The following GLCE variants were observed in gnomAD, a reference collection of about 807,000 sequenced individuals.
GLCE encodes the protein D-glucuronyl C5-epimerase.
GLCE carries 19 observed loss-of-function variants against 47.9 expected under a neutral mutation model. That is an observed-to-expected ratio of 0.40 (90% CI 0.28 to 0.58). The LOEUF is 0.58. Among genes scored for constraint, GLCE ranks in the 20% least tolerant of loss-of-function variants. The pLI, the probability that GLCE is intolerant of heterozygous loss-of-function variation, is 0.48. For missense variants in GLCE, 556 were observed against 743.3 expected, an observed-to-expected ratio of 0.75 and a Z score of 2.93; for synonymous variants, 245 against 263.4, an observed-to-expected ratio of 0.93 and a Z score of 0.68.
At position 69,268,811 on chromosome 15, in the gene GLCE, C is replaced by T. The variant is rs1338747328; in HGVS notation, c.1421C>T (p.Thr474Ile). 1 of 1,613,830 alleles carries T rather than the reference C, an allele frequency of 6.2e-7. No homozygotes were observed. Among genetic ancestry groups the T allele is most frequent in the African/African-American group, 1.3e-5 (1 of 74,930 alleles). ...HIFLNSALRA[T>I]APYKFLSEQH... ...TTCCTCAATTCAGCTTTAAGGGCAACAGCCCCTTATAAGTTTCTATCTGAG... is the reference window on the plus strand; with the variant it reads ...TTCCTCAATTCAGCTTTAAGGGCAATAGCCCCTTATAAGTTTCTATCTGAG... Residue 474 changes from threonine to isoleucine, a missense_variant, in exon 5 of 5, where the codon ACA (threonine) becomes ATA (isoleucine). Transcript: ENST00000261858.
chr15:69,226,301 G>A (rs1015168788), intron 2 of GLCE, among the ~76,000 whole-genome samples: 1 of 152,134 alleles, frequency 6.6e-6, no homozygotes, highest in Non-Finnish European at 1.5e-5. Flanking sequence ...GCTGTTGTTG[G>A]AAGTGTTAGG....
rs143734869 is a variant in GLCE at position 69,249,533 on chromosome 15, G to A, written c.-13-6261G>A. Among the ~76,000 whole-genome samples the A allele has an allele frequency of 1.4e-3, 216 of 152,140 alleles. 1 individual carries two copies. The highest frequency in any genetic ancestry group is 1.5e-3 in the Non-Finnish European group (102 of 68,016). On this transcript the variant is annotated intron_variant, in intron 2 of 4. Transcript: ENST00000261858. ...TCAATAAATTATTTTTTAATTAAGAGTAAGCATTCTTCTCAATCAAGGAAT... is the reference window on the plus strand; with the variant it reads ...TCAATAAATTATTTTTTAATTAAGAATAAGCATTCTTCTCAATCAAGGAAT...
intron 4 of GLCE, among the ~76,000 whole-genome samples, chr15:69,265,924 C>T (rs2053079271): frequency 6.6e-6 from 1 of 152,160 alleles, no homozygotes; most frequent in South Asian, 2.1e-4. Context: ...ATAATTTAAT[C>T]TTGAGTGGTT....
intron 2 of GLCE, among the ~76,000 whole-genome samples, chr15:69,225,663 A>T (rs964464779): frequency 2.0e-5 from 3 of 152,204 alleles, no homozygotes; most frequent in Non-Finnish European, 4.4e-5. Flanking sequence ...CATACTAAGG[A>T]TTCTTTTACT....
intron 1 of GLCE, among the ~76,000 whole-genome samples, chr15:69,204,991 A>G (rs1279605366): frequency 2.6e-5 from 4 of 152,170 alleles, no homozygotes; most frequent in African/African-American, 9.6e-5. Flanking sequence ...AATTCTTTTA[A>G]GTATCATAAA....
intron 2 of GLCE, among the ~76,000 whole-genome samples, chr15:69,232,954 G>A (rs2052545343): frequency 6.6e-6 from 1 of 152,166 alleles, no homozygotes; most frequent in African/African-American, 2.4e-5. Context: ...GCTTTTTCGG[G>A]AGGAGCAGCA....
intron 1 of GLCE, among the ~76,000 whole-genome samples, chr15:69,178,241 C>T (rs1005058161): frequency 5.3e-5 from 8 of 151,986 alleles, no homozygotes; most frequent in Non-Finnish European, 1.0e-4. Context: ...AAAAATCCAA[C>T]AGAAAAATGG....
At chr15:69,195,687 C>A (rs1361428531) in intron 1 of GLCE, among the ~76,000 whole-genome samples, 3 of 152,044 alleles carry the variant, frequency 2.0e-5, no homozygotes, top group African/African-American at 7.2e-5. Context: ...TTTAATATAG[C>A]CCTGGTGTGT....
chr15:69,221,242 A>T (rs1447565585), intron 2 of GLCE, among the ~76,000 whole-genome samples: 1 of 152,122 alleles, frequency 6.6e-6, no homozygotes, highest in African/African-American at 2.4e-5. Flanking sequence ...TTGAGATTCC[A>T]TGTGGATTTT....
chr15:69,252,705 G>A (rs2052862401), intron 2 of GLCE, among the ~76,000 whole-genome samples: 1 of 151,922 alleles, frequency 6.6e-6, no homozygotes, highest in Non-Finnish European at 1.5e-5. Context: ...TATATTAGTT[G>A]GTCAAAATGT....
intron 1 of GLCE, among the ~76,000 whole-genome samples, chr15:69,209,487 CT>C (rs368491486): frequency 2.1e-3 from 322 of 152,186 alleles, no homozygotes; most frequent in Non-Finnish European, 3.3e-3. Flanking sequence ...ATTTTCAAAA[CT>C]TTTGCCATAT....
Position 69,268,670 on chromosome 15 carries a change from C to A in GLCE, c.1280C>A (p.Thr427Asn). The A allele has an allele frequency of 6.2e-7, 1 of 1,614,124 alleles. No individual in the cohort carries two copies. Among genetic ancestry groups the A allele is most frequent in the Non-Finnish European group, 8.5e-7 (1 of 1,180,000 alleles). Residue 427 changes from threonine to asparagine, a missense_variant, in exon 5 of 5, where the codon ACC becomes AAC. Thr to Asn is a moderately conservative substitution (Grantham distance 65). Coordinates refer to ENST00000261858, the MANE Select transcript of GLCE (RefSeq NM_015554.3). ...AAAGGTGGCTGGCCAATTATGGTGA[C>A]CCGTAAGTTAGGGGAAGGGTTCAAG... ...DEKGGWPIMVTRKLGEGFKSL... is the reference protein window; with the variant it reads ...DEKGGWPIMVNRKLGEGFKSL...
intron 2 of GLCE, among the ~76,000 whole-genome samples, chr15:69,227,869 G>A (rs149839283): frequency 6.6e-6 from 1 of 152,146 alleles, no homozygotes; most frequent in African/African-American, 2.4e-5. Context: ...TGGAAACTGG[G>A]TAAGGTAAAC....
intron 1 of GLCE, among the ~76,000 whole-genome samples, chr15:69,202,915 ATT>A (rs1042502252): frequency 6.6e-6 from 1 of 152,112 alleles, no homozygotes; most frequent in Non-Finnish European, 1.5e-5. Flanking sequence ...GCCTAAATAT[ATT>A]TTATATAAAA....
intron 3 of GLCE, among the ~76,000 whole-genome samples, chr15:69,257,257 T>C (rs1426643664): frequency 1.3e-5 from 2 of 152,196 alleles, no homozygotes; most frequent in Non-Finnish European, 2.9e-5. Flanking sequence ...TGTTTATTCA[T>C]CCAGTTGGAA....
At chr15:69,192,549 C>T (rs999105201) in intron 1 of GLCE, among the ~76,000 whole-genome samples, 2 of 151,878 alleles carry the variant, frequency 1.3e-5, no homozygotes, top group Non-Finnish European at 2.9e-5. Flanking sequence ...GACTGTTTTT[C>T]TAGTTCACAA....
Position 69,256,290 on chromosome 15 carries a change from T to G in GLCE, c.484T>G (p.Tyr162Asp). 1 of 1,614,030 alleles carries G rather than the reference T, an allele frequency of 6.2e-7. No homozygotes were observed. Among genetic ancestry groups the G allele is most frequent in the Non-Finnish European group, 8.5e-7 (1 of 1,179,938 alleles). The change falls in exon 3 of 5, where the codon TAT becomes GAT. Residue 162 changes from tyrosine (Y) to aspartate (D), a missense_variant. By Grantham distance (160) the Tyr-to-Asp change is radical (BLOSUM62 -3). Transcript: ENST00000261858. ...ATTCTCTCATAGCTATTCCAAAGTC[T>G]ATGCACAGAGAGCCCCCTATCACCC... is the stretch of plus-strand genomic sequence containing the variant. ...FEFSHSYSKV[Y>D]AQRAPYHPDG...
chr15:69,269,296 G>T lies in GLCE; in HGVS notation c.*52G>T. 2 of 1,433,464 alleles carry T rather than the reference G, an allele frequency of 1.4e-6. No individual in the cohort carries two copies. The highest frequency in any genetic ancestry group is 1.9e-6 in the Non-Finnish European group (2 of 1,027,312). 88.8% of individuals were successfully genotyped at this position (1,433,464 alleles called of 1,614,324 possible). A position where few individuals can be genotyped will look rare whatever the true frequency, so the allele number is the denominator to read the frequency against. ...CCTCTGCTGTACACAGAAACTACAG[G>T]CTCTGTCTCAGGAGAGCATAGGCAC... On this transcript the variant is annotated 3_prime_UTR_variant, in exon 5 of 5. Transcript: ENST00000261858.
At chr15:69,161,321 G>A (rs1044307695) in intron 1 of GLCE, among the ~76,000 whole-genome samples, 1 of 152,022 alleles carries the variant, frequency 6.6e-6, no homozygotes, top group Admixed American at 6.5e-5. Context: ...TGGGGAGAGG[G>A]GTCTGTTCAT....
Sources: allele counts gnomAD v4.1 joint callset (sites outside exome capture counted in the v4.1 genomes callset), GRCh38; gene constraint gnomAD v4.1.1; transcripts MANE v1.5; gene names NCBI Gene and HGNC (gene_info 2026-07-23, HGNC 2026-07-21).